TRABD2A: variants seen among roughly 807,000 people sequenced by gnomAD.
TRABD2A encodes TraB domain containing 2A.
A neutral mutation model predicts 45.6 loss-of-function variants in TRABD2A; 43 were observed. That is an observed-to-expected ratio of 0.94 (90% CI 0.74 to 1.22). TRABD2A has a LOEUF of 1.22. Ranked by LOEUF, TRABD2A falls within the 50% of genes most tolerant of loss-of-function variation. TRABD2A has a pLI of 0.00. For missense variants in TRABD2A, 642 were observed against 652.4 expected (o/e 0.98, Z 0.17); for synonymous variants, 269 against 265.0 (o/e 1.02, Z -0.15).
Position 84,824,199 on chromosome 2 carries a change from T to C in TRABD2A, c.1088A>G (p.Lys363Arg), listed in dbSNP as rs746880993. ...APAGRPIHKGKSKKTSTRPTL... is the reference protein window; with the variant it reads ...APAGRPIHKGRSKKTSTRPTL... ...GGGCCGTGTGGAGGTCTTTTTACTC[T>C]TCCCTCTGTACGCAAGTGGAAGGAG... The change falls in exon 6 of 7, where the codon AAG becomes AGG. Residue 363 changes from lysine to arginine, a missense_variant. Lys to Arg is a conservative substitution (Grantham distance 26). Transcript: ENST00000409520. The C allele has an allele frequency of 1.2e-6, 2 of 1,613,698 alleles. No homozygotes were observed. Among genetic ancestry groups the C allele is most frequent in the East Asian group, 2.2e-5 (1 of 44,894 alleles).
intron 2 of TRABD2A, among the ~76,000 whole-genome samples, chr2:84,863,523 C>T (rs186957123): frequency 3.3e-4 from 50 of 151,142 alleles, no homozygotes; most frequent in Non-Finnish European, 4.0e-4. Flanking sequence ...TGAGCCACCG[C>T]GCCTGGCCCC....
intron 2 of TRABD2A, among the ~76,000 whole-genome samples, chr2:84,861,281 C>A (rs1401033176): frequency 1.3e-5 from 2 of 152,186 alleles, no homozygotes; most frequent in East Asian, 3.9e-4. Context: ...TTTGTAATAT[C>A]TAATAAAAGA....
chr2:84,847,021 AG>A (rs1681920496), intron 2 of TRABD2A, among the ~76,000 whole-genome samples: 1 of 152,198 alleles, frequency 6.6e-6, no homozygotes, highest in South Asian at 2.1e-4. Context: ...GAAGCTGGGC[AG>A]GGGCAGGGCC....
chr2:84,867,516 T>C (rs1359644699), intron 2 of TRABD2A, among the ~76,000 whole-genome samples: 4 of 152,192 alleles, frequency 2.6e-5, no homozygotes, highest in Non-Finnish European at 5.9e-5. Flanking sequence ...ATTCAGGACA[T>C]AGGCATGGGC....
chr2:84,843,732 G>A (rs1681790481), intron 2 of TRABD2A: 1 of 152,114 alleles, frequency 6.6e-6, no homozygotes, highest in Non-Finnish European at 1.5e-5. Flanking sequence ...GCCTTATAAA[G>A]AGGAGTCTTA....
rs115880425 is a variant in TRABD2A, at chr2:84,830,775, A to T, written c.1082+1280T>A. Among the ~76,000 whole-genome samples the T allele has an allele frequency of 5.2e-3, 786 of 152,208 alleles. 7 individuals are homozygous for T. Among genetic ancestry groups the T allele is most frequent in the African/African-American group, 0.018 (746 of 41,530 alleles). On this transcript the variant is annotated intron_variant, in intron 5 of 6. Transcript: ENST00000409520. This position sits in a 1 kb window ranked among gnomAD's most constrained non-coding sequence, Gnocchi z 4.9. The stretch of plus-strand genomic sequence containing the variant: ...TCCAGGATTTCCCGCCTGAAGGGAG[A>T]CTGGCAGGAGCCTCTGGGGTGAGGG...
intron 5 of TRABD2A, among the ~76,000 whole-genome samples, chr2:84,831,549 A>G (rs1433489931): frequency 6.7e-6 from 1 of 149,870 alleles, no homozygotes; most frequent in African/African-American, 2.5e-5. Context: ...AAAAAAAGAG[A>G]GAGAAATAAA....
intron 5 of TRABD2A, among the ~76,000 whole-genome samples, chr2:84,824,832 C>G (rs1681106798): frequency 6.6e-6 from 1 of 152,182 alleles, no homozygotes; most frequent in African/African-American, 2.4e-5. Context: ...CAGGAAGAGG[C>G]TCTCAGGGCT....
chr2:84,855,291 T>C (rs1385101136), intron 2 of TRABD2A, among the ~76,000 whole-genome samples: 1 of 152,118 alleles, frequency 6.6e-6, no homozygotes, highest in Non-Finnish European at 1.5e-5. Context: ...ATTGGAAATA[T>C]TACAACTAAG....
intron 4 of TRABD2A, among the ~76,000 whole-genome samples, chr2:84,838,845 C>T (rs1379766997): frequency 6.6e-6 from 1 of 152,098 alleles, no homozygotes; most frequent in Non-Finnish European, 1.5e-5. Flanking sequence ...GTGAAAAGTA[C>T]CAGAAAGAAG....
chr2:84,854,508 C>G (rs946792941), intron 2 of TRABD2A, among the ~76,000 whole-genome samples: 1 of 152,204 alleles, frequency 6.6e-6, no homozygotes, highest in Admixed American at 6.5e-5. Context: ...GGTTCAATAT[C>G]TCACCCAAGG....
chr2:84,855,501 C>G (rs1682243928), intron 2 of TRABD2A, among the ~76,000 whole-genome samples: 1 of 152,142 alleles, frequency 6.6e-6, no homozygotes, highest in African/African-American at 2.4e-5. Context: ...GAATCCCCTT[C>G]TCCCTCCCTC....
chr2:84,841,298 G>C (rs1326029562), intron 3 of TRABD2A, among the ~76,000 whole-genome samples: 1 of 152,122 alleles, frequency 6.6e-6, no homozygotes, highest in East Asian at 1.9e-4. Context: ...CCACTCAATG[G>C]CCCACAGGTA....
At chr2:84,863,160 A>C (rs1046334983) in intron 2 of TRABD2A, among the ~76,000 whole-genome samples, 1 of 151,964 alleles carries the variant, frequency 6.6e-6, no homozygotes, top group Non-Finnish European at 1.5e-5. Flanking sequence ...AATACATAGC[A>C]GTGTTGGGAA....
chr2:84,822,759 G>C (rs1681034019), intron 6 of TRABD2A, among the ~76,000 whole-genome samples: 1 of 152,196 alleles, frequency 6.6e-6, no homozygotes, highest in Non-Finnish European at 1.5e-5. Flanking sequence ...CCATTCTCCA[G>C]GTCCCATCTG....
At chr2:84,859,345 C>T (rs1164300881) in intron 2 of TRABD2A, among the ~76,000 whole-genome samples, 2 of 152,150 alleles carry the variant, frequency 1.3e-5, no homozygotes, top group Non-Finnish European at 2.9e-5. Context: ...TAGTAAACAC[C>T]CACATGTGCA....
intron 5 of TRABD2A, among the ~76,000 whole-genome samples, chr2:84,829,604 C>G (rs970550679): frequency 2.9e-5 from 4 of 138,092 alleles, no homozygotes; most frequent in African/African-American, 1.2e-4. Context: ...AACACACGTA[C>G]CACACACACC....
intron 2 of TRABD2A, among the ~76,000 whole-genome samples, chr2:84,848,563 A>AT (rs1681984148): frequency 2.1e-5 from 3 of 141,254 alleles, no homozygotes; most frequent in Non-Finnish European, 4.8e-5. Context: ...TATATATTAC[A>AT]TATATAGAGA....
intron 2 of TRABD2A, among the ~76,000 whole-genome samples, chr2:84,858,325 AC>A (rs949317495): frequency 6.6e-6 from 1 of 151,824 alleles, no homozygotes; most frequent in Non-Finnish European, 1.5e-5. Context: ...CCAGCCTGCC[AC>A]CCTGTGGCCA....
Sources: allele counts gnomAD v4.1 joint callset (sites outside exome capture counted in the v4.1 genomes callset), GRCh38; gene constraint gnomAD v4.1.1; non-coding constraint Gnocchi (gnomAD v3.1); transcripts MANE v1.5; gene names NCBI Gene and HGNC (gene_info 2026-07-23, HGNC 2026-07-21).